Variants in RANBP2 observed in about 807,000 individuals in gnomAD.
RANBP2 encodes RAN binding protein 2.
A neutral mutation model predicts 303.6 loss-of-function variants in RANBP2; 57 were observed. The observed-to-expected ratio is 0.19, with a 90% CI of 0.15 to 0.23. RANBP2 has a LOEUF of 0.23. Among genes scored for constraint, RANBP2 ranks in the 10% least tolerant of loss-of-function variants. RANBP2 has a pLI of 1.00. For synonymous variants in RANBP2, 1,167 were observed against 1,301.5 expected (o/e 0.90, Z 2.23); for missense variants, 3,138 against 3,780.8 (o/e 0.83, Z 4.46).
chr2:109,468,796 G>A, the RANBP2 span, among the ~76,000 whole-genome samples: 8 of 148,344 alleles, frequency 5.4e-5, no homozygotes, highest in Admixed American at 3.4e-4. Context: ...GGAGTTTGCA[G>A]TGAGCCAAGA....
chr2:109,578,314 A>G, the RANBP2 span, among the ~76,000 whole-genome samples: 11 of 152,356 alleles, frequency 7.2e-5, no homozygotes, highest in African/African-American at 2.6e-4. Context: ...AGGGCACAGA[A>G]AGGTTGAAAG....
At chr2:108,967,800 T>A in the RANBP2 span, among the ~76,000 whole-genome samples, 39 of 152,166 alleles carry the variant, frequency 2.6e-4, no homozygotes, top group African/African-American at 8.2e-4. Context: ...GGATATTTTT[T>A]AAAAGGAAAG....
At chr2:109,272,647 AACGGTCCTCCTCCAC>A in the RANBP2 span, among the ~76,000 whole-genome samples, 1 of 152,226 alleles carries the variant, frequency 6.6e-6, no homozygotes, top group Non-Finnish European at 1.5e-5. Context: ...CACAGCTGCC[AACGGTCCTCCTCCAC>A]ACCAGCGCTG....
the RANBP2 span, among the ~76,000 whole-genome samples, chr2:109,559,757 T>C: frequency 6.6e-6 from 1 of 152,184 alleles, no homozygotes; most frequent in South Asian, 2.1e-4. Flanking sequence ...ATTCTTTCCC[T>C]GGACTATGAA....
At chr2:108,786,744 C>T (rs1403596592), downstream of RANBP2, 2 of 1,337,108 alleles carry the variant, frequency 1.5e-6, no homozygotes, top group Admixed American at 2.0e-5. Context: ...TCTGGCACGT[C>T]GTGACGCACT....
At chr2:108,990,437 C>CA in the RANBP2 span, among the ~76,000 whole-genome samples, 4,476 of 70,440 alleles carry the variant, frequency 0.064, 226 homozygotes, top group African/African-American at 0.11. Flanking sequence ...GACTCCGTCT[C>CA]AAAAAAAAAA....
the RANBP2 span, among the ~76,000 whole-genome samples, chr2:108,800,035 G>T: frequency 2.0e-5 from 3 of 151,976 alleles, no homozygotes; most frequent in African/African-American, 7.2e-5. Context: ...ACCTCATGGA[G>T]CATAGTTTAA....
the RANBP2 span, among the ~76,000 whole-genome samples, chr2:108,969,050 G>A: frequency 2.6e-5 from 4 of 152,156 alleles, no homozygotes; most frequent in Non-Finnish European, 5.9e-5. Flanking sequence ...CCCTCATTAA[G>A]GAGCTGAATG....
At chr2:108,798,467 C>A in the RANBP2 span, 10 of 1,613,720 alleles carry the variant, frequency 6.2e-6, no homozygotes, top group African/African-American at 4.0e-5. Context: ...TGAAGAACTT[C>A]AAAAGCGAGA....
chr2:109,082,622 A>T, the RANBP2 span, among the ~76,000 whole-genome samples: 45 of 152,064 alleles, frequency 3.0e-4, no homozygotes, highest in East Asian at 8.8e-3. Context: ...TAAAACAAAA[A>T]GTTTTTATCA....
chr2:108,970,816 G>T, the RANBP2 span, among the ~76,000 whole-genome samples: 8 of 152,210 alleles, frequency 5.3e-5, no homozygotes, highest in African/African-American at 9.6e-5. Flanking sequence ...TAATTTGTTT[G>T]TGGTGCCAAT....
chr2:109,340,572 GACCACTTCC>G, the RANBP2 span, among the ~76,000 whole-genome samples: 1 of 152,158 alleles, frequency 6.6e-6, no homozygotes, highest in Non-Finnish European at 1.5e-5. Context: ...GATCACCACT[GACCACTTCC>G]TACACTTAGA....
chr2:108,723,949 T>C (rs1694490491), intron 1 of RANBP2, among the ~76,000 whole-genome samples: 1 of 152,214 alleles, frequency 6.6e-6, no homozygotes, highest in Non-Finnish European at 1.5e-5. Context: ...CCTTACTAAC[T>C]GACTTCTCCA....
the RANBP2 span, among the ~76,000 whole-genome samples, chr2:109,198,687 G>A: frequency 3.9e-5 from 6 of 152,098 alleles, no homozygotes; most frequent in South Asian, 2.1e-4. Flanking sequence ...AACATTTTTC[G>A]TGTCTCTTAA....
At chr2:108,895,011 GACTC>G in the RANBP2 span, 13,512 of 152,602 alleles carry the variant, frequency 0.089, 817 homozygotes, top group African/African-American at 0.16. Context: ...ATTAAGGGGA[GACTC>G]ACTCATCATC....
the RANBP2 span, among the ~76,000 whole-genome samples, chr2:109,197,073 G>C: frequency 1.3e-5 from 2 of 152,220 alleles, no homozygotes; most frequent in Non-Finnish European, 2.9e-5. Flanking sequence ...GAGGCACAGA[G>C]AGGTGGAAGA....
chr2:108,886,255 A>C, the RANBP2 span, among the ~76,000 whole-genome samples: 3 of 152,144 alleles, frequency 2.0e-5, no homozygotes, highest in Admixed American at 6.5e-5. Flanking sequence ...ATCCTTGCCA[A>C]CATCTGTTAT....
chr2:109,709,509 G>A, the RANBP2 span, among the ~76,000 whole-genome samples: 1 of 152,152 alleles, frequency 6.6e-6, no homozygotes, highest in Non-Finnish European at 1.5e-5. Flanking sequence ...CAATCCTGCT[G>A]CCCCTCACTC....
At chr2:109,170,530 G>T in the RANBP2 span, among the ~76,000 whole-genome samples, 1 of 152,072 alleles carries the variant, frequency 6.6e-6, no homozygotes, top group East Asian at 1.9e-4. Context: ...ATTTTTAGTA[G>T]AGATGGGGTT....
Sources: gnomAD v4.1 joint callset for allele counts (sites outside exome capture counted in the v4.1 genomes callset) on GRCh38, gnomAD v4.1.1 for gene constraint, MANE v1.5 for transcripts, NCBI Gene and HGNC (gene_info 2026-07-23, HGNC 2026-07-21) for gene names.